The following GRM7 variants were observed in gnomAD, a reference collection of about 807,000 sequenced individuals.
GRM7 encodes the protein glutamate metabotropic receptor 7, also known as metabotropic glutamate receptor 7.
GRM7 carries 35 observed loss-of-function variants against 84.5 expected under a neutral mutation model. That is an observed-to-expected ratio of 0.41 (90% CI 0.32 to 0.55). GRM7 has a LOEUF of 0.55. Among genes scored for constraint, GRM7 ranks in the 20% least tolerant of loss-of-function variants. The pLI, the probability that GRM7 is intolerant of heterozygous loss-of-function variation, is 0.19. For missense variants in GRM7, 1,003 were observed against 1,194.6 expected, an observed-to-expected ratio of 0.84 and a Z score of 2.36; for synonymous variants, 487 against 455.1, an observed-to-expected ratio of 1.07 and a Z score of -0.89.
intron 1 of GRM7, among the ~76,000 whole-genome samples, chr3:6,922,517 C>T (rs146349007): frequency 6.6e-6 from 1 of 152,270 alleles, no homozygotes; most frequent in East Asian, 1.9e-4. Context: ...GAAATAAATA[C>T]AAGATTCTGG....
intron 2 of GRM7, among the ~76,000 whole-genome samples, chr3:7,216,885 GTA>G (rs1330775753): frequency 1.3e-5 from 2 of 151,932 alleles, no homozygotes; most frequent in Non-Finnish European, 2.9e-5. Flanking sequence ...ATGTTTGAGT[GTA>G]TTTGTGTAAA....
intron 8 of GRM7, among the ~76,000 whole-genome samples, chr3:7,621,843 T>C (rs924534557): frequency 4.6e-5 from 7 of 152,088 alleles, no homozygotes; most frequent in Admixed American, 4.6e-4. Flanking sequence ...CAGCCAGCTA[T>C]GTTTTGACAT....
intron 1 of GRM7, among the ~76,000 whole-genome samples, chr3:6,896,714 T>C (rs934479180): frequency 2.0e-5 from 3 of 152,154 alleles, no homozygotes; most frequent in Non-Finnish European, 4.4e-5. Flanking sequence ...TACATTATTC[T>C]TCATTTCCCT....
At chr3:7,024,983 A>C (rs1695924820) in intron 1 of GRM7, among the ~76,000 whole-genome samples, 1 of 152,196 alleles carries the variant, frequency 6.6e-6, no homozygotes, top group Admixed American at 6.5e-5. Flanking sequence ...TTGGCAGGGC[A>C]GTGTTCCAAT....
chr3:7,726,330 G>A (rs190342255), intron 9 of GRM7, among the ~76,000 whole-genome samples: 4 of 151,750 alleles, frequency 2.6e-5, no homozygotes, highest in Admixed American at 6.6e-5. Flanking sequence ...CCTGAGAGAC[G>A]GTCACTGTCA....
intron 9 of GRM7, among the ~76,000 whole-genome samples, chr3:7,684,994 G>C (rs1378109772): frequency 6.6e-6 from 1 of 151,956 alleles, no homozygotes; most frequent in Non-Finnish European, 1.5e-5. Context: ...ACCTCAAACT[G>C]TTTCTCCCAC....
intron 2 of GRM7, among the ~76,000 whole-genome samples, chr3:7,167,708 G>A (rs778694321): frequency 9.9e-5 from 15 of 151,992 alleles, no homozygotes; most frequent in African/African-American, 2.4e-5. Context: ...GGGGGCTCAC[G>A]CCTGTAATCC....
Position 7,480,597 on chromosome 3 carries a change from A to G in GRM7, c.1515+18875A>G, listed in dbSNP as rs1553133. On this transcript the variant is annotated intron_variant, in intron 7 of 9. Coordinates refer to ENST00000357716, the MANE Select transcript of GRM7 (RefSeq NM_000844.4). ...ATGGTATACAATATTTATACATATT[A>G]TATCTCTTTCTTTGCATGCACTTGT... Among the ~76,000 whole-genome samples, 135 of 152,356 alleles carry G rather than the reference A, an allele frequency of 8.9e-4. 1 individual carries two copies. The highest frequency in any genetic ancestry group is 7.2e-3 in the Admixed American group (110 of 15,290).
chr3:7,649,769 T>A (rs566875924), intron 8 of GRM7, among the ~76,000 whole-genome samples: 1 of 151,818 alleles, frequency 6.6e-6, no homozygotes, highest in Non-Finnish European at 1.5e-5. Context: ...CCTAATCATA[T>A]AACATGGCCT....
intron 8 of GRM7, among the ~76,000 whole-genome samples, chr3:7,669,405 C>T (rs1438574792): frequency 2.6e-5 from 4 of 152,116 alleles, no homozygotes; most frequent in Non-Finnish European, 4.4e-5. Flanking sequence ...ATGGATGGAG[C>T]ATGGCTCATT....
chr3:7,401,685 A>G (rs1348780780), intron 4 of GRM7, among the ~76,000 whole-genome samples: 1 of 152,184 alleles, frequency 6.6e-6, no homozygotes, highest in Non-Finnish European at 1.5e-5. Context: ...AACTCACCTT[A>G]TTCAGAGTCA....
At position 7,222,098 on chromosome 3, in the gene GRM7, C is replaced by T. The variant is rs145541085; in HGVS notation, c.736+75430C>T. 5.1e-3 allele frequency among the ~76,000 whole-genome samples: 769 copies of T among 151,858 alleles called. 6 individuals carry two copies. Among genetic ancestry groups the T allele is most frequent in the African/African-American group, 0.018 (726 of 41,338 alleles). On this transcript the variant is annotated intron_variant, in intron 2 of 9. Transcript: ENST00000357716. The stretch of plus-strand genomic sequence containing the variant: ...TGCTAGGATTACAGGCGCGAGCCCC[C>T]GCACCCAGCCAATAATTATCTTTAA...
intron 1 of GRM7, among the ~76,000 whole-genome samples, chr3:7,046,132 C>T (rs1186921250): frequency 6.6e-6 from 1 of 151,982 alleles, no homozygotes; most frequent in African/African-American, 2.4e-5. Flanking sequence ...ATATTGAATA[C>T]CTTTTCGTAT....
chr3:7,649,714 G>A (rs1236244063), intron 8 of GRM7, among the ~76,000 whole-genome samples: 1 of 151,960 alleles, frequency 6.6e-6, no homozygotes, highest in Non-Finnish European at 1.5e-5. Flanking sequence ...AAGAATGATT[G>A]TTGGCTGACT....
rs372977479 is a variant in GRM7 at position 7,302,509 on chromosome 3, C to A, written c.878+3684C>A. Among the ~76,000 whole-genome samples the A allele has an allele frequency of 5.1e-4, 78 of 152,198 alleles. 4 individuals carry two copies. The South Asian group carries it at 0.012, about 23-fold the overall frequency. ...CTTGGCTTATCCCTACCTTTCTCTT[C>A]AAACTTCGTCAGCACCTCCCCAAAC... On this transcript the variant is annotated intron_variant, in intron 3 of 9. Transcript: ENST00000357716.
At chr3:7,498,224 C>G (rs1346123754) in intron 7 of GRM7, among the ~76,000 whole-genome samples, 1 of 152,076 alleles carries the variant, frequency 6.6e-6, no homozygotes, top group Non-Finnish European at 1.5e-5. Context: ...ATTGTTTGTC[C>G]ACTAGAGAAG....
At chr3:7,511,670 T>C (rs1559370853) in intron 7 of GRM7, among the ~76,000 whole-genome samples, 1 of 152,194 alleles carries the variant, frequency 6.6e-6, no homozygotes, top group African/African-American at 2.4e-5. Context: ...CAATCTAGTT[T>C]CAAAACTATG....
chr3:7,253,592 A>G (rs143942512), intron 2 of GRM7, among the ~76,000 whole-genome samples: 4,592 of 143,676 alleles, frequency 0.032, 230 homozygotes, highest in African/African-American at 0.11. Flanking sequence ...ACTCCAGCCC[A>G]GGCAACAAGA....
chr3:7,617,765 T>C (rs1697166965), intron 8 of GRM7, among the ~76,000 whole-genome samples: 1 of 151,758 alleles, frequency 6.6e-6, no homozygotes, highest in African/African-American at 2.4e-5. Context: ...TAGGAAAGAG[T>C]TTGGAGGGGA....
Sources: gnomAD v4.1 joint callset for allele counts (sites outside exome capture counted in the v4.1 genomes callset) on GRCh38, gnomAD v4.1.1 for gene constraint, MANE v1.5 for transcripts, NCBI Gene and HGNC (gene_info 2026-07-23, HGNC 2026-07-21) for gene names.